The following ADAT1 variants were observed in gnomAD, a reference collection of about 807,000 sequenced individuals.
The protein encoded by ADAT1 is adenosine deaminase tRNA specific 1, also known as tRNA-specific adenosine deaminase 1.
A neutral mutation model predicts 58.6 loss-of-function variants in ADAT1; 58 were observed. The ratio of observed to expected loss-of-function variants is 0.99; its 90% CI spans 0.80 to 1.23. The LOEUF is 1.23. ADAT1 is among the 50% of genes most tolerant of loss of function. The pLI, the probability that ADAT1 is intolerant of heterozygous loss-of-function variation, is 0.00. For synonymous variants in ADAT1, 254 were observed against 220.8 expected, an observed-to-expected ratio of 1.15 and a Z score of -1.33; for missense variants, 741 against 608.6, an observed-to-expected ratio of 1.22 and a Z score of -2.29.
rs1219984831 is a variant in ADAT1, at chr16:75,612,480, C to T, written c.806G>A (p.Gly269Glu). 2 of 1,614,092 alleles carry T rather than the reference C, an allele frequency of 1.2e-6. No homozygotes were observed. The highest frequency in any genetic ancestry group is 1.7e-6 in the Non-Finnish European group (2 of 1,180,038). Residue 269 changes from glycine (G) to glutamate (E), a missense_variant, in exon 6 of 10, where the codon GGA becomes GAA. By Grantham distance (98) the Gly-to-Glu change is moderately conservative. Transcript: ENST00000564657. ...TGAKCVPGEA[G>E]DSGKPGAAFH... ...CGCAGCACCCGGCTTTCCGGAGTCT[C>T]CAGCTTCTCCAGGTACACACTTGGC... is the stretch of plus-strand genomic sequence containing the variant.
rs1196845877 is a variant in ADAT1, at chr16:75,600,136, C to CT, written c.*79_*80insA. On this transcript the variant is annotated 3_prime_UTR_variant, in exon 10 of 10. Transcript: ENST00000564657. Reference sequence around the variant, plus strand: ...AAAGAATGTTCCCTGATTTAACTACCAAAAAAGCTAAGACTTGTCCTGCGT... The same window carrying CT: ...AAAGAATGTTCCCTGATTTAACTACCTAAAAAAGCTAAGACTTGTCCTGCGT... The CT allele has an allele frequency of 6.4e-7, 1 of 1,567,426 alleles. No homozygotes were observed. The highest frequency in any genetic ancestry group is 1.4e-5 in the African/African-American group (1 of 73,354).
At chr16:75,611,071 A>G (rs1252566914) in intron 6 of ADAT1, among the ~76,000 whole-genome samples, 9 of 152,200 alleles carry the variant, frequency 5.9e-5, no homozygotes, top group Admixed American at 5.9e-4. Flanking sequence ...CTATGATTGT[A>G]CCACTGCACT....
intron 6 of ADAT1, among the ~76,000 whole-genome samples, chr16:75,610,562 G>A (rs959187859): frequency 1.3e-5 from 2 of 152,158 alleles, no homozygotes; most frequent in African/African-American, 4.8e-5. Context: ...CTCCCAAGAT[G>A]CTAGGATTAC....
intron 3 of ADAT1, 169 bp from the exon 4 acceptor site, chr16:75,618,809 T>C (rs1052338826): frequency 4.1e-6 from 3 of 725,338 alleles, no homozygotes; most frequent in Non-Finnish European, 6.6e-6. Context: ...AGGTGCAGGG[T>C]TTCTCAACCC....
intron 5 of ADAT1, among the ~76,000 whole-genome samples, chr16:75,613,964 G>T (rs987581528): frequency 1.3e-5 from 2 of 152,218 alleles, no homozygotes; most frequent in Admixed American, 1.3e-4. Context: ...GGCCGAGGTG[G>T]GCGGATCACG....
chr16:75,614,278 CTAAAG>C (rs901668575), intron 5 of ADAT1, among the ~76,000 whole-genome samples: 6 of 152,130 alleles, frequency 3.9e-5, no homozygotes, highest in African/African-American at 1.4e-4. Flanking sequence ...AGTAAAGACT[CTAAAG>C]TAAATTACAC....
At position 75,604,456 on chromosome 16, in the gene ADAT1, A is replaced by AAAAAAAATAT. The variant is rs1555508674; in HGVS notation, c.1290-1286_1290-1285insATATTTTTTT. ...TCAAAAAAAAAAAAAAAAAAAAAAA[A>AAAAAAAATAT]ATATATATATATATATATACACACA... On this transcript the variant is annotated intron_variant, in intron 8 of 9. Transcript: ENST00000564657. Among the ~76,000 whole-genome samples, 24 of 48,758 alleles carry AAAAAAAATAT rather than the reference A, an allele frequency of 4.9e-4. 1 individual carries two copies. The highest frequency in any genetic ancestry group is 3.0e-3 in the African/African-American group (21 of 7,116). 32.0% of individuals were successfully genotyped at this position (48,758 alleles called of 152,430 possible). A position where few individuals can be genotyped will look rare whatever the true frequency, so the allele number is the denominator to read the frequency against.
At chr16:75,610,592 TG>T (rs549818219) in intron 6 of ADAT1, among the ~76,000 whole-genome samples, 1 of 152,220 alleles carries the variant, frequency 6.6e-6, no homozygotes, top group Non-Finnish European at 1.5e-5. Flanking sequence ...CTACTGTACT[TG>T]GCCTACTTGT....
intron 9 of ADAT1, among the ~76,000 whole-genome samples, chr16:75,601,614 C>T (rs759641275): frequency 2.0e-4 from 31 of 152,142 alleles, no homozygotes; most frequent in Non-Finnish European, 3.4e-4. Flanking sequence ...AAAAATTAGC[C>T]GGGCGTGGTG....
In ADAT1 at chr16:75,618,809, T is replaced by G. The variant is rs1052338826; in HGVS notation, c.239-169A>C. ...GAATAACAATGCATCAGGTGCAGGGTTTCTCAACCCAGCACTGTAGACATT... is the reference window on the plus strand; with the variant it reads ...GAATAACAATGCATCAGGTGCAGGGGTTCTCAACCCAGCACTGTAGACATT... On this transcript the variant is annotated intron_variant, in intron 3 of 9. Transcript: ENST00000564657. 44 of 725,336 alleles carry G rather than the reference T, an allele frequency of 6.1e-5. No homozygotes were observed. In the Middle Eastern group the frequency reaches 1.2e-3, roughly 19 times the overall value. The allele number at this position is 725,336 out of a possible 1,614,324, so 44.9% of individuals were successfully genotyped here.
At chr16:75,617,053 T>A (rs919004657) in intron 5 of ADAT1, 89 bp downstream of exon 5, 21 of 1,492,540 alleles carry the variant, frequency 1.4e-5, no homozygotes, top group Admixed American at 2.0e-5. Flanking sequence ...CAGCCATTAG[T>A]GCTTTTTAGG....
Position 75,599,877 on chromosome 16 carries a change from A to G in ADAT1, c.*339T>C, listed in dbSNP as rs1053039040. 1 of 1,026,766 alleles carries G rather than the reference A, an allele frequency of 9.7e-7. No homozygotes were observed. The highest frequency in any genetic ancestry group is 5.5e-5 in the Admixed American group (1 of 18,258). The allele number at this position is 1,026,766 out of a possible 1,614,324, so 63.6% of individuals were successfully genotyped here. On this transcript the variant is annotated 3_prime_UTR_variant, in exon 10 of 10. Coordinates refer to ENST00000564657, the MANE Select transcript of ADAT1 (RefSeq NM_001324445.2). ...GTCAAACATCATTTCAGCTCAATAA[A>G]TATTTGCTGAATCAATGTAGGAACC...
intron 8 of ADAT1, among the ~76,000 whole-genome samples, chr16:75,606,936 A>G (rs117970426): frequency 0.029 from 4,350 of 152,258 alleles, 99 homozygotes; most frequent in South Asian, 0.049. Context: ...CTCAAAAACT[A>G]CCAGTTATAG....
At position 75,598,408 on chromosome 16, in the gene ADAT1, T is replaced by G. The variant is rs1221638653; in HGVS notation, c.*1808A>C. Reference sequence around the variant, plus strand: ...TTTCTGTTGTCTTAAGCCACCCAGCTTGTGGTACTTCGTTAAGAAACAGCT... The same window carrying G: ...TTTCTGTTGTCTTAAGCCACCCAGCGTGTGGTACTTCGTTAAGAAACAGCT... On this transcript the variant is annotated 3_prime_UTR_variant, in exon 10 of 10. Transcript: ENST00000564657. 3 of 164,136 alleles carry G rather than the reference T, an allele frequency of 1.8e-5. No homozygotes were observed. The South Asian group carries it at 3.7e-4, about 20-fold the overall frequency. The allele number at this position is 164,136 out of a possible 1,614,324, so 10.2% of individuals were successfully genotyped here.
In ADAT1 at chr16:75,597,475, CT is replaced by C; in HGVS notation, c.*2740del. 1.7e-5 allele frequency: 7 copies of C among 404,324 alleles called. No homozygotes were observed. Among genetic ancestry groups the C allele is most frequent in the East Asian group, 7.7e-5 (1 of 12,994 alleles). The allele number at this position is 404,324 out of a possible 1,614,324, so 25.0% of individuals were successfully genotyped here. A position where few individuals can be genotyped will look rare whatever the true frequency, so the allele number is the denominator to read the frequency against. On this transcript the variant is annotated 3_prime_UTR_variant, in exon 10 of 10. Transcript: ENST00000564657. Reference sequence around the variant, plus strand: ...CTTCCTTAGAGCAGCAGTCCCCAACCTTTTTGGCACCAGGGACTGGTTTCAT... The same window carrying C: ...CTTCCTTAGAGCAGCAGTCCCCAACCTTTTGGCACCAGGGACTGGTTTCAT...
chr16:75,616,235 C>G (rs946246763), intron 5 of ADAT1, among the ~76,000 whole-genome samples: 1 of 152,070 alleles, frequency 6.6e-6, no homozygotes, highest in Non-Finnish European at 1.5e-5. Context: ...CTGGAACTCT[C>G]GACCTCAAGT....
chr16:75,600,451 T>G, intron 9 of ADAT1, 103 bp from the exon 10 acceptor site: 1 of 1,515,280 alleles, frequency 6.6e-7, no homozygotes, highest in Non-Finnish European at 8.9e-7. Context: ...GTAATGAGAC[T>G]TAGGTAGAGA....
Position 75,620,287 on chromosome 16 carries a change from G to A in ADAT1, c.217C>T (p.Gln73Ter). Reference protein sequence around the residue: ...SMGTGTKCIGQSKMRKNGDIL... With the variant: ...SMGTGTKCIG ...TTACCGTTCTTCCTCATTTTGGACT[G>A]TCCTATGCATTTTGTTCCTGTTCCC... The change falls in exon 3 of 10, where the codon CAG becomes TAG. Residue 73 changes from glutamine (Q) to a stop codon, truncating the protein, a stop_gained. Transcript: ENST00000564657. LOFTEE classifies it high-confidence loss of function. 1.2e-6 allele frequency: 2 copies of A among 1,614,116 alleles called. No individual in the cohort carries two copies. The highest frequency in any genetic ancestry group is 1.7e-6 in the Non-Finnish European group (2 of 1,179,982).
In ADAT1 at chr16:75,612,276, C is replaced by A; in HGVS notation, c.1010G>T (p.Ser337Ile). 1 of 1,614,172 alleles carries A rather than the reference C, an allele frequency of 6.2e-7. No individual in the cohort carries two copies. Among genetic ancestry groups the A allele is most frequent in the Non-Finnish European group, 8.5e-7 (1 of 1,180,024 alleles). ...SAVVIGKCPY[S>I]QEAMQRALIG... ...CAGTGCTCTCTGCATGGCTTCCTGGCTGTATGGGCACTTCCCAATGACCAC... is the reference window on the plus strand; with the variant it reads ...CAGTGCTCTCTGCATGGCTTCCTGGATGTATGGGCACTTCCCAATGACCAC... The change falls in exon 6 of 10, where the codon AGC becomes ATC. Residue 337 changes from serine to isoleucine, a missense_variant. Transcript: ENST00000564657.
Sources: gnomAD v4.1 joint callset for allele counts (sites outside exome capture counted in the v4.1 genomes callset) on GRCh38, gnomAD v4.1.1 for gene constraint, MANE v1.5 for transcripts, NCBI Gene and HGNC (gene_info 2026-07-23, HGNC 2026-07-21) for gene names.